Variants in THADA observed in about 807,000 individuals in gnomAD.
THADA encodes tRNA (32-2'-O)-methyltransferase regulator THADA.
A neutral mutation model predicts 219.8 loss-of-function variants in THADA; 213 were observed. That is an observed-to-expected ratio of 0.97 (90% CI 0.87 to 1.09). The LOEUF (loss-of-function observed/expected upper bound fraction) is 1.09. Among genes scored for constraint, THADA ranks in the 50% least tolerant of loss-of-function variants. The pLI, the probability that THADA is intolerant of heterozygous loss-of-function variation, is 0.00. For synonymous variants in THADA, 1,018 were observed against 828.9 expected (o/e 1.23, Z -3.92); for missense variants, 2,956 against 2,311.3 (o/e 1.28, Z -5.72).
Position 43,505,486 on chromosome 2 carries a change from G to A in THADA, c.3621+136C>T, listed in dbSNP as rs529699900. On this transcript the variant is annotated intron_variant, in intron 24 of 37. Transcript: ENST00000405975. The stretch of plus-strand genomic sequence containing the variant: ...GAAGAATTGCTTGAACCTGGGAGGC[G>A]AAGGTTGCAGTGAGCTGAGATCGCG... The A allele has an allele frequency of 1.4e-5, 7 of 505,690 alleles. No homozygotes were observed. The East Asian group carries it at 2.0e-4, about 15-fold the overall frequency. 31.3% of individuals were successfully genotyped at this position (505,690 alleles called of 1,614,324 possible). A position where few individuals can be genotyped will look rare whatever the true frequency, so the allele number is the denominator to read the frequency against.
intron 24 of THADA, among the ~76,000 whole-genome samples, chr2:43,503,520 G>A (rs1689287114): frequency 6.6e-6 from 1 of 152,144 alleles, no homozygotes; most frequent in Non-Finnish European, 1.5e-5. Flanking sequence ...TTGGGTTAGT[G>A]ATTATAACTG....
chr2:43,429,255 G>A (rs537985965), intron 27 of THADA, among the ~76,000 whole-genome samples: 3 of 150,612 alleles, frequency 2.0e-5, no homozygotes, highest in Non-Finnish European at 4.5e-5. Context: ...TCACAGGTGC[G>A]CACCACCAGC....
intron 16 of THADA, among the ~76,000 whole-genome samples, chr2:43,558,279 T>C (rs766494242): frequency 1.3e-5 from 2 of 152,134 alleles, no homozygotes; most frequent in Non-Finnish European, 2.9e-5. Context: ...CAGGTTAGCA[T>C]TCAAAAACTG....
In THADA at chr2:43,245,172, C is replaced by CTTTTATTTTTTTTTTTTT. The variant is rs1669009632; in HGVS notation, c.5297-12291_5297-12290insAAAAAAAAAAAAATAAAA. Among the ~76,000 whole-genome samples, 2 of 103,144 alleles carry CTTTTATTTTTTTTTTTTT rather than the reference C, an allele frequency of 1.9e-5. 1 individual carries two copies. The highest frequency in any genetic ancestry group is 3.5e-5 in the Non-Finnish European group (2 of 56,432). The allele number at this position is 103,144 out of a possible 152,430, so 67.7% of individuals were successfully genotyped here. A position where few individuals can be genotyped will look rare whatever the true frequency, so the allele number is the denominator to read the frequency against. ...TACTGGAGCTTCTTTCTTTCTTCTT[C>CTTTTATTTTTTTTTTTTT]TTTTTTTTTTTTTTTTTTGAGACGG... is the stretch of plus-strand genomic sequence containing the variant. On this transcript the variant is annotated intron_variant, in intron 36 of 37. Coordinates refer to ENST00000405975, the MANE Select transcript of THADA (RefSeq NM_022065.5).
At chr2:43,555,409 T>TATAA (rs1553488472) in intron 17 of THADA, among the ~76,000 whole-genome samples, 1 of 151,258 alleles carries the variant, frequency 6.6e-6, no homozygotes, top group African/African-American at 2.4e-5. Context: ...TATATATATA[T>TATAA]ATGTTTTTTA....
chr2:43,233,950 T>A (rs1318088509), intron 36 of THADA, among the ~76,000 whole-genome samples: 2 of 152,084 alleles, frequency 1.3e-5, no homozygotes, highest in Non-Finnish European at 2.9e-5. Context: ...ATCTCTAACT[T>A]GAGCACACAG....
At chr2:43,488,500 T>C (rs1169637157) in intron 25 of THADA, among the ~76,000 whole-genome samples, 5 of 152,224 alleles carry the variant, frequency 3.3e-5, no homozygotes, top group African/African-American at 4.8e-5. Context: ...TGTTGTAGCA[T>C]GTATCAGTAT....
chr2:43,407,877 A>T (rs1403815369), intron 28 of THADA, among the ~76,000 whole-genome samples: 1 of 152,120 alleles, frequency 6.6e-6, no homozygotes, highest in Non-Finnish European at 1.5e-5. Context: ...AGAATGATGG[A>T]TTCCCAAATA....
chr2:43,444,768 A>G (rs2104872679), intron 26 of THADA, among the ~76,000 whole-genome samples: 1 of 152,332 alleles, frequency 6.6e-6, no homozygotes, highest in African/African-American at 2.4e-5. Context: ...TTTCTTATAC[A>G]CACATCCCAT....
intron 26 of THADA, among the ~76,000 whole-genome samples, chr2:43,476,825 T>C (rs1157233024): frequency 6.6e-6 from 1 of 152,178 alleles, no homozygotes; most frequent in Non-Finnish European, 1.5e-5. Flanking sequence ...CCCATACTAA[T>C]GGTCAAATCA....
chr2:43,584,550 C>T (rs1443069841), intron 7 of THADA, among the ~76,000 whole-genome samples: 1 of 152,146 alleles, frequency 6.6e-6, no homozygotes, highest in Non-Finnish European at 1.5e-5. Flanking sequence ...CTCCTCTCTC[C>T]CAGAACCTCC....
Position 43,515,142 on chromosome 2 carries a change from A to T in THADA, c.3375-6362T>A, listed in dbSNP as rs1383310363. 1.7e-3 allele frequency among the ~76,000 whole-genome samples: 9 copies of T among 5,190 alleles called. 1 individual carries two copies. The highest frequency in any genetic ancestry group is 9.4e-3 in the African/African-American group (7 of 746). 3.4% of individuals were successfully genotyped at this position (5,190 alleles called of 152,430 possible). The stretch of plus-strand genomic sequence containing the variant: ...ATAATATATTTTATATATAATATAT[A>T]ATATATTTTATATATTATATATAAT... On this transcript the variant is annotated intron_variant, in intron 22 of 37. Coordinates refer to ENST00000405975, the MANE Select transcript of THADA (RefSeq NM_022065.5).
chr2:43,483,074 T>A (rs150666481), intron 26 of THADA, among the ~76,000 whole-genome samples: 2 of 152,322 alleles, frequency 1.3e-5, no homozygotes, highest in East Asian at 3.9e-4. Context: ...GTTCTTTTTA[T>A]GTCCAGTTCC....
At position 43,586,387 on chromosome 2, in the gene THADA, C is replaced by CA; in HGVS notation, c.533+13dup. On this transcript the variant is annotated intron_variant, in intron 7 of 37. Coordinates refer to ENST00000405975, the MANE Select transcript of THADA (RefSeq NM_022065.5). ...GCAAGTGTGCACACACAAATGCCAA[C>CA]ATATAGCACTTGCCTATTTTCTTCC... The CA allele has an allele frequency of 6.4e-7, 1 of 1,570,950 alleles. No homozygotes were observed. The highest frequency in any genetic ancestry group is 8.6e-7 in the Non-Finnish European group (1 of 1,160,736).
intron 25 of THADA, among the ~76,000 whole-genome samples, chr2:43,491,038 T>C (rs1195537101): frequency 6.6e-6 from 1 of 152,044 alleles, no homozygotes. Flanking sequence ...GACAGAAGAG[T>C]GTCCCCTAGA....
chr2:43,547,327 A>G (rs574568794), intron 20 of THADA, among the ~76,000 whole-genome samples: 2 of 152,148 alleles, frequency 1.3e-5, no homozygotes, highest in African/African-American at 4.8e-5. Context: ...AACTTTGGTG[A>G]ATCTGACAAT....
intron 26 of THADA, among the ~76,000 whole-genome samples, chr2:43,433,578 G>C (rs900403782): frequency 6.6e-6 from 1 of 152,106 alleles, no homozygotes; most frequent in Non-Finnish European, 1.5e-5. Flanking sequence ...GCTCATAGAT[G>C]AGAGGATTCC....
chr2:43,308,683 C>G (rs999341139), intron 31 of THADA, among the ~76,000 whole-genome samples: 5 of 136,558 alleles, frequency 3.7e-5, no homozygotes, highest in African/African-American at 1.4e-4. Context: ...GCATGGGAGA[C>G]AGTGCAAGAC....
chr2:43,543,368 A>G (rs1374113809), intron 20 of THADA, among the ~76,000 whole-genome samples: 1 of 150,410 alleles, frequency 6.6e-6, no homozygotes, highest in Admixed American at 6.6e-5. Flanking sequence ...AGCATGATTT[A>G]TAGTCCTTTG....
Sources: gnomAD v4.1 joint callset for allele counts (sites outside exome capture counted in the v4.1 genomes callset) on GRCh38, gnomAD v4.1.1 for gene constraint, MANE v1.5 for transcripts, NCBI Gene and HGNC (gene_info 2026-07-23, HGNC 2026-07-21) for gene names.